PXDNL: variants seen among roughly 807,000 people sequenced by gnomAD.
PXDNL encodes probable oxidoreductase PXDNL.
A neutral mutation model predicts 150.8 loss-of-function variants in PXDNL; 145 were observed. The observed-to-expected ratio is 0.96, with a 90% CI of 0.84 to 1.10. The LOEUF (loss-of-function observed/expected upper bound fraction) is 1.10, where lower values mean the gene tolerates loss of function less well. Among genes scored for constraint, PXDNL ranks in the 50% least tolerant of loss-of-function variants. The pLI, the probability that PXDNL is intolerant of heterozygous loss-of-function variation, is 0.00. For synonymous variants in PXDNL, 757 were observed against 725.7 expected (o/e 1.04, Z -0.69); for missense variants, 2,087 against 1,873.9 (o/e 1.11, Z -2.10).
chr8:51,453,473 A>G (rs1464262054), intron 10 of PXDNL, 46 bp downstream of exon 10: 1 of 1,580,812 alleles, frequency 6.3e-7, no homozygotes, highest in East Asian at 2.3e-5. Flanking sequence ...TAATTTTCTG[A>G]GTGTGGCAGG....
At chr8:51,521,146 G>A (rs901431227) in intron 4 of PXDNL, among the ~76,000 whole-genome samples, 2 of 152,158 alleles carry the variant, frequency 1.3e-5, no homozygotes, top group African/African-American at 4.8e-5. Context: ...GGAGGATGAG[G>A]TGGAAAGATC....
intron 1 of PXDNL, among the ~76,000 whole-genome samples, chr8:51,672,089 C>A (rs1459951532): frequency 6.6e-6 from 1 of 152,154 alleles, no homozygotes; most frequent in African/African-American, 2.4e-5. Context: ...TCAAGCGATT[C>A]TTGTGCCTCA....
intron 1 of PXDNL, among the ~76,000 whole-genome samples, chr8:51,699,924 T>C (rs1401241318): frequency 6.6e-6 from 1 of 152,086 alleles, no homozygotes; most frequent in Non-Finnish European, 1.5e-5. Context: ...ACAACTACAA[T>C]AGCCGCATCA....
intron 5 of PXDNL, among the ~76,000 whole-genome samples, chr8:51,485,652 GCTCCACCCTGCTCCTGGGCTATCAA>G (rs1810714201): frequency 6.6e-6 from 1 of 151,966 alleles, no homozygotes; most frequent in African/African-American, 2.4e-5. Flanking sequence ...CCATCCATTG[GCTCCACCCTGCTCCTGGGCTATCAA>G]CTCCCACTTG....
chr8:51,612,392 C>T (rs1373490829), intron 2 of PXDNL, among the ~76,000 whole-genome samples: 5 of 152,162 alleles, frequency 3.3e-5, no homozygotes, highest in Admixed American at 6.5e-5. Flanking sequence ...TCGAAAAGCC[C>T]ACAGTTCATG....
At chr8:51,335,098 AG>A (rs1389007288) in intron 21 of PXDNL, among the ~76,000 whole-genome samples, 2 of 152,202 alleles carry the variant, frequency 1.3e-5, no homozygotes, top group African/African-American at 4.8e-5. Context: ...TGGATTTTCT[AG>A]AACAGTTCTA....
intron 1 of PXDNL, among the ~76,000 whole-genome samples, chr8:51,674,089 C>A (rs1001830436): frequency 6.6e-6 from 1 of 152,188 alleles, no homozygotes; most frequent in Non-Finnish European, 1.5e-5. Flanking sequence ...GCCTTTTCAT[C>A]TCTTTAATAC....
At chr8:51,612,636 A>G (rs1225191463) in intron 2 of PXDNL, among the ~76,000 whole-genome samples, 1 of 152,090 alleles carries the variant, frequency 6.6e-6, no homozygotes, top group Non-Finnish European at 1.5e-5. Context: ...TAATGGGATT[A>G]GCGCCCTTAT....
At chr8:51,412,904 C>T (rs1453769181) in intron 15 of PXDNL, among the ~76,000 whole-genome samples, 1 of 152,162 alleles carries the variant, frequency 6.6e-6, no homozygotes, top group Admixed American at 6.5e-5. Flanking sequence ...TGCCTAGTGT[C>T]TATTGTCAGC....
Position 51,573,700 on chromosome 8 carries a change from A to G in PXDNL, c.309-16789T>C, listed in dbSNP as rs368279974. On this transcript the variant is annotated intron_variant, in intron 3 of 22. Transcript: ENST00000356297. ...GCATTCCTTCCTTTGACAGCAATGTAGGAGGAAGTCAGCTAAAACAGAAAA... is the reference window on the plus strand; with the variant it reads ...GCATTCCTTCCTTTGACAGCAATGTGGGAGGAAGTCAGCTAAAACAGAAAA... Among the ~76,000 whole-genome samples the G allele has an allele frequency of 6.8e-4, 104 of 152,092 alleles. 1 individual carries two copies. The South Asian group carries it at 0.021, about 31-fold the overall frequency.
At chr8:51,565,337 G>GATAGATAGATAT (rs1812802872) in intron 3 of PXDNL, among the ~76,000 whole-genome samples, 1 of 147,970 alleles carries the variant, frequency 6.8e-6, no homozygotes, top group South Asian at 2.1e-4. Context: ...TAGATAGATA[G>GATAGATAGATAT]ATAGATAAAT....
chr8:51,730,653 A>G (rs543040191), intron 1 of PXDNL, among the ~76,000 whole-genome samples: 1 of 152,362 alleles, frequency 6.6e-6, no homozygotes, highest in East Asian at 1.9e-4. Flanking sequence ...CTGACATTGT[A>G]TATTAGTCTG....
chr8:51,717,012 C>T lies in PXDNL; in HGVS notation c.165-62252G>A, dbSNP rs575754912. On this transcript the variant is annotated intron_variant, in intron 1 of 22. Coordinates refer to ENST00000356297, the MANE Select transcript of PXDNL (RefSeq NM_144651.5). ...GACCCAAACAGATGAACTATTTGCA[C>T]CATACAAGACCAGAGGAGGTTGTCT... 9.9e-5 allele frequency among the ~76,000 whole-genome samples: 15 copies of T among 152,252 alleles called. No individual in the cohort carries two copies. In the South Asian group the frequency reaches 2.9e-3, roughly 30 times the overall value.
intron 1 of PXDNL, among the ~76,000 whole-genome samples, chr8:51,720,672 T>C (rs1816711172): frequency 6.6e-6 from 1 of 152,264 alleles, no homozygotes; most frequent in Admixed American, 6.5e-5. Flanking sequence ...TAATAAACTC[T>C]TGAAAATTAG....
At chr8:51,488,362 G>A (rs1195381240) in intron 5 of PXDNL, among the ~76,000 whole-genome samples, 1 of 152,132 alleles carries the variant, frequency 6.6e-6, no homozygotes, top group African/African-American at 2.4e-5. Flanking sequence ...GTTACGGCAG[G>A]GGCAGAGGAG....
chr8:51,602,203 T>C (rs1379323415), intron 2 of PXDNL, among the ~76,000 whole-genome samples: 9 of 151,906 alleles, frequency 5.9e-5, no homozygotes, highest in Admixed American at 5.3e-4. Flanking sequence ...GCTCTAGATT[T>C]TTTGTATCTA....
At position 51,411,402 on chromosome 8, in the gene PXDNL, G is replaced by A; in HGVS notation, c.1910C>T (p.Pro637Leu). ...AGCCAGCAGGTCACTGGAGGTGTGA[G>A]GTTTTCTGCAAATGACAAAACACAT... Reference protein sequence around the residue: ...STRRHLFSQKPHTSSDLLAQF... With the variant: ...STRRHLFSQKLHTSSDLLAQF... Residue 637 changes from proline to leucine, a missense_variant, in exon 16 of 23, where the codon CCT becomes CTT. Transcript: ENST00000356297. 6.4e-7 allele frequency: 1 copy of A among 1,571,868 alleles called. No homozygotes were observed. Among genetic ancestry groups the A allele is most frequent in the Non-Finnish European group, 8.6e-7 (1 of 1,165,360 alleles).
chr8:51,607,896 G>C (rs1300883991), intron 2 of PXDNL, among the ~76,000 whole-genome samples: 1 of 106,986 alleles, frequency 9.3e-6, no homozygotes, highest in African/African-American at 3.9e-5. Context: ...AAGGAAGGAA[G>C]GTGGGGAGGG....
intron 1 of PXDNL, among the ~76,000 whole-genome samples, chr8:51,801,351 G>A (rs2037618361): frequency 6.6e-6 from 1 of 152,166 alleles, no homozygotes; most frequent in Non-Finnish European, 1.5e-5. Context: ...GACAGTATGT[G>A]CACAGCTGAA....
Sources: gnomAD v4.1 joint callset for allele counts (sites outside exome capture counted in the v4.1 genomes callset) on GRCh38, gnomAD v4.1.1 for gene constraint, MANE v1.5 for transcripts, NCBI Gene and HGNC (gene_info 2026-07-23, HGNC 2026-07-21) for gene names.